The following PDZRN4 variants were observed in gnomAD, a reference collection of about 807,000 sequenced individuals.
PDZRN4 encodes PDZ domain-containing RING finger protein 4.
A neutral mutation model predicts 99.0 loss-of-function variants in PDZRN4; 70 were observed. That is an observed-to-expected ratio of 0.71 (90% CI 0.58 to 0.86). The LOEUF is 0.86. Ranked by LOEUF, PDZRN4 falls within the 40% of genes least tolerant of loss-of-function variation. The pLI, the probability that PDZRN4 is intolerant of heterozygous loss-of-function variation, is 0.00. For synonymous variants in PDZRN4, 551 were observed against 501.6 expected, an observed-to-expected ratio of 1.10 and a Z score of -1.32; for missense variants, 1,474 against 1,331.2, an observed-to-expected ratio of 1.11 and a Z score of -1.67.
chr12:41,194,734 T>A (rs757810399), intron 3 of PDZRN4, among the ~76,000 whole-genome samples: 6 of 152,232 alleles, frequency 3.9e-5, no homozygotes, highest in African/African-American at 7.2e-5. Flanking sequence ...TTCAAATGTG[T>A]TAATGAATAC....
rs182395735 is a variant in PDZRN4, at chr12:41,225,237, G to T, written c.843+31049G>T. On this transcript the variant is annotated intron_variant, in intron 3 of 9. Transcript: ENST00000402685. ...AATTTGCAGTTATTTACCACATTAA[G>T]TTGCAAAGCTAAATAAAGATAGCTG... Among the ~76,000 whole-genome samples, 22 of 152,102 alleles carry T rather than the reference G, an allele frequency of 1.4e-4. No individual in the cohort carries two copies. The East Asian group carries it at 4.3e-3, about 29-fold the overall frequency.
chr12:41,302,664 G>C (rs771521509), intron 3 of PDZRN4, among the ~76,000 whole-genome samples: 1 of 152,048 alleles, frequency 6.6e-6, no homozygotes, highest in Non-Finnish European at 1.5e-5. Context: ...GTTTTGGGAA[G>C]TTTCTTTATA....
intron 3 of PDZRN4, among the ~76,000 whole-genome samples, chr12:41,280,683 G>A (rs1016165604): frequency 6.6e-6 from 1 of 152,210 alleles, no homozygotes; most frequent in South Asian, 2.1e-4. Context: ...TCTGGGCAGG[G>A]CATCTCTGAA....
chr12:41,438,052 C>G, intron 3 of PDZRN4: 1 of 1,606,034 alleles, frequency 6.2e-7, no homozygotes, highest in Non-Finnish European at 8.5e-7. Flanking sequence ...AAGAGCCAGG[C>G]TTTGTGTTTG....
At chr12:41,452,345 A>G (rs1952781988) in intron 3 of PDZRN4, among the ~76,000 whole-genome samples, 1 of 151,716 alleles carries the variant, frequency 6.6e-6, no homozygotes, top group African/African-American at 2.4e-5. Flanking sequence ...AGGCTGAGGC[A>G]GGAGAATGGT....
chr12:41,225,462 C>T (rs1159857908), intron 3 of PDZRN4, among the ~76,000 whole-genome samples: 4 of 150,566 alleles, frequency 2.7e-5, no homozygotes, highest in Non-Finnish European at 5.9e-5. Flanking sequence ...TCATCTGTCA[C>T]CTGTATTACT....
intron 3 of PDZRN4, among the ~76,000 whole-genome samples, chr12:41,421,542 G>C (rs567811196): frequency 3.0e-4 from 45 of 152,160 alleles, no homozygotes; most frequent in Admixed American, 1.2e-3. Context: ...ATAAATGTTG[G>C]CACTCTCTTA....
At chr12:41,360,636 A>G (rs548539950) in intron 3 of PDZRN4, among the ~76,000 whole-genome samples, 2 of 152,108 alleles carry the variant, frequency 1.3e-5, no homozygotes, top group Non-Finnish European at 2.9e-5. Flanking sequence ...GTGCAAAAAA[A>G]TTAATGAATA....
intron 3 of PDZRN4, among the ~76,000 whole-genome samples, chr12:41,335,839 A>G (rs1951769832): frequency 6.6e-6 from 1 of 152,100 alleles, no homozygotes; most frequent in Admixed American, 6.5e-5. Flanking sequence ...GCTTTATCTC[A>G]TTATTTAATT....
chr12:41,201,380 A>G (rs1413005585), intron 3 of PDZRN4, among the ~76,000 whole-genome samples: 3 of 151,978 alleles, frequency 2.0e-5, no homozygotes, highest in Non-Finnish European at 4.4e-5. Context: ...TCCATTGTCA[A>G]TAGATCTTTA....
At chr12:41,223,921 C>G (rs1950975418) in intron 3 of PDZRN4, among the ~76,000 whole-genome samples, 1 of 152,224 alleles carries the variant, frequency 6.6e-6, no homozygotes, top group African/African-American at 2.4e-5. Context: ...GGTACAGAAT[C>G]TTAGTGGAGA....
chr12:41,272,086 CA>C (rs1238206448), intron 3 of PDZRN4, among the ~76,000 whole-genome samples: 4 of 150,470 alleles, frequency 2.7e-5, no homozygotes, highest in Non-Finnish European at 5.9e-5. Context: ...GAAAGAATGG[CA>C]AAAAAAATTT....
chr12:41,207,144 C>T (rs537468850), intron 3 of PDZRN4, among the ~76,000 whole-genome samples: 4 of 151,990 alleles, frequency 2.6e-5, no homozygotes, highest in Non-Finnish European at 5.9e-5. Context: ...CACAAACTTT[C>T]ACTTAGAGGA....
At chr12:41,279,975 C>A (rs535196914) in intron 3 of PDZRN4, among the ~76,000 whole-genome samples, 2 of 152,062 alleles carry the variant, frequency 1.3e-5, no homozygotes, top group Admixed American at 6.5e-5. Context: ...AAGGCCCATG[C>A]AGAAGGTGGG....
chr12:41,276,614 A>G (rs1450699139), intron 3 of PDZRN4, among the ~76,000 whole-genome samples: 1 of 152,164 alleles, frequency 6.6e-6, no homozygotes, highest in Non-Finnish European at 1.5e-5. Flanking sequence ...GCCTTGCAAT[A>G]AATTTATGAG....
At chr12:41,423,286 C>A (rs1202967160) in intron 3 of PDZRN4, among the ~76,000 whole-genome samples, 1 of 151,998 alleles carries the variant, frequency 6.6e-6, no homozygotes, top group Non-Finnish European at 1.5e-5. Context: ...CTAATGCTAT[C>A]CCTCCCCTAG....
intron 3 of PDZRN4, among the ~76,000 whole-genome samples, chr12:41,272,563 A>G (rs1446907407): frequency 1.3e-5 from 2 of 152,056 alleles, no homozygotes; most frequent in Admixed American, 6.6e-5. Flanking sequence ...ATATATACCT[A>G]TACTATCAGT....
At chr12:41,411,879 G>A (rs997950027) in intron 3 of PDZRN4, 1 of 152,112 alleles carries the variant, frequency 6.6e-6, no homozygotes, top group African/African-American at 2.4e-5. Flanking sequence ...AACTCTTCTT[G>A]TTGACAGAGG....
intron 5 of PDZRN4, among the ~76,000 whole-genome samples, chr12:41,510,122 A>G (rs930577095): frequency 1.3e-5 from 2 of 152,122 alleles, no homozygotes; most frequent in African/African-American, 4.8e-5. Context: ...GCTTAAATAT[A>G]ATTTGCTCTC....
Sources: gnomAD v4.1 joint callset for allele counts (sites outside exome capture counted in the v4.1 genomes callset) on GRCh38, gnomAD v4.1.1 for gene constraint, MANE v1.5 for transcripts, NCBI Gene and HGNC (gene_info 2026-07-23, HGNC 2026-07-21) for gene names.